Variants in ZBTB20 observed in about 807,000 individuals in gnomAD.
ZBTB20 encodes zinc finger and BTB domain containing 20.
ZBTB20 carries 9 observed loss-of-function variants against 56.9 expected under a neutral mutation model. The observed-to-expected ratio is 0.16, with a 90% CI of 0.10 to 0.28. ZBTB20 has a LOEUF of 0.28. Ranked by LOEUF, ZBTB20 falls within the 10% of genes least tolerant of loss-of-function variation. ZBTB20 has a pLI of 1.00. For missense variants in ZBTB20, 655 were observed against 1,003.0 expected (o/e 0.65, Z 4.69); for synonymous variants, 417 against 420.7 (o/e 0.99, Z 0.11).
intron 3 of ZBTB20, among the ~76,000 whole-genome samples, chr3:114,910,852 C>T (rs2107707500): frequency 6.6e-6 from 1 of 152,078 alleles, no homozygotes; most frequent in South Asian, 2.1e-4. Context: ...TGCTGTCTCC[C>T]TAACACTTCA....
intron 6 of ZBTB20, among the ~76,000 whole-genome samples, chr3:114,535,524 A>G (rs553138295): frequency 1.3e-5 from 2 of 152,356 alleles, no homozygotes; most frequent in East Asian, 3.9e-4. Context: ...AAAAAAGCCC[A>G]GGACCAGACG....
At chr3:114,407,157 T>A (rs2087418699) in intron 7 of ZBTB20, among the ~76,000 whole-genome samples, 1 of 152,188 alleles carries the variant, frequency 6.6e-6, no homozygotes, top group Non-Finnish European at 1.5e-5. Flanking sequence ...AAATCCTCTC[T>A]GCTAAATGTA....
At chr3:114,775,386 G>A (rs2069516012) in intron 5 of ZBTB20, among the ~76,000 whole-genome samples, 2 of 151,902 alleles carry the variant, frequency 1.3e-5, no homozygotes, top group South Asian at 4.2e-4. Context: ...TGAGGATGGT[G>A]GATATATTAA....
intron 4 of ZBTB20, among the ~76,000 whole-genome samples, chr3:114,853,842 ATG>A (rs775316910): frequency 5.9e-5 from 9 of 152,190 alleles, no homozygotes; most frequent in Non-Finnish European, 7.4e-5. Flanking sequence ...TAGCAAAGTT[ATG>A]TGTGAGTTGC....
rs1426738087 is a variant in ZBTB20 at position 114,321,603 on chromosome 3, A to G, written c.*17402T>C. On this transcript the variant is annotated 3_prime_UTR_variant, in exon 12 of 12. Coordinates refer to ENST00000675478, the MANE Select transcript of ZBTB20 (RefSeq NM_001348800.3). ...TGGTTCCATATGGAAACAAAAAATA[A>G]AGAGAAAGAACTGGTAAGAGTTGAG... is the stretch of plus-strand genomic sequence containing the variant. The G allele has an allele frequency of 6.6e-6, 1 of 152,230 alleles. No individual in the cohort carries two copies. Among genetic ancestry groups the G allele is most frequent in the Non-Finnish European group, 1.5e-5 (1 of 68,032 alleles). The allele number at this position is 152,230 out of a possible 1,614,324, so 9.4% of individuals were successfully genotyped here. A position where few individuals can be genotyped will look rare whatever the true frequency, so the allele number is the denominator to read the frequency against.
intron 2 of ZBTB20, among the ~76,000 whole-genome samples, chr3:114,983,318 C>G (rs958829460): frequency 3.9e-5 from 6 of 152,094 alleles, no homozygotes; most frequent in Non-Finnish European, 7.4e-5. Flanking sequence ...GTATTCGTCT[C>G]TACTCTGTCA....
intron 1 of ZBTB20, among the ~76,000 whole-genome samples, chr3:115,133,506 C>T (rs535126271): frequency 6.6e-6 from 1 of 152,262 alleles, no homozygotes; most frequent in South Asian, 2.1e-4. Context: ...CAAAAGGAAA[C>T]CCTATACCCA....
intron 6 of ZBTB20, among the ~76,000 whole-genome samples, chr3:114,587,595 T>C (rs908974328): frequency 1.3e-5 from 2 of 152,264 alleles, no homozygotes; most frequent in African/African-American, 4.8e-5. Context: ...GGCATATGCA[T>C]GCTCAATATT....
Position 114,908,086 on chromosome 3 carries a change from GGAAA to G in ZBTB20, c.-455-7748_-455-7745del, listed in dbSNP as rs1356651860. On this transcript the variant is annotated intron_variant, in intron 3 of 11. Transcript: ENST00000675478. Reference sequence around the variant, plus strand: ...GCCTTGGAGAAAAGGCAAAGGAATAGGAAAGAGTTTCCTTTAAAATGCCAGGCTA... The same window carrying G: ...GCCTTGGAGAAAAGGCAAAGGAATAGGAGTTTCCTTTAAAATGCCAGGCTA... Among the ~76,000 whole-genome samples, 5 of 151,954 alleles carry G rather than the reference GGAAA, an allele frequency of 3.3e-5. No individual in the cohort carries two copies. In the East Asian group the frequency reaches 9.7e-4, roughly 29 times the overall value.
chr3:114,370,671 T>C (rs1206376137), intron 10 of ZBTB20, among the ~76,000 whole-genome samples: 1 of 152,198 alleles, frequency 6.6e-6, no homozygotes, highest in Non-Finnish European at 1.5e-5. Flanking sequence ...TTTACTCCCA[T>C]ATTTATGGCT....
At chr3:114,537,337 A>T (rs1000614488) in intron 6 of ZBTB20, among the ~76,000 whole-genome samples, 2 of 152,244 alleles carry the variant, frequency 1.3e-5, no homozygotes, top group Non-Finnish European at 2.9e-5. Flanking sequence ...ATAAGAGCAG[A>T]CACTTCTCAA....
At chr3:115,146,879 G>C (rs984556920) in intron 1 of ZBTB20, among the ~76,000 whole-genome samples, 1 of 151,196 alleles carries the variant, frequency 6.6e-6, no homozygotes, top group Non-Finnish European at 1.5e-5. Context: ...GCTGCGGGAC[G>C]TCCCGCCCGC....
intron 4 of ZBTB20, among the ~76,000 whole-genome samples, chr3:114,812,753 G>A (rs879544326): frequency 1.3e-5 from 2 of 152,234 alleles, no homozygotes; most frequent in East Asian, 3.9e-4. Flanking sequence ...AGAGGGCGGT[G>A]CTCCTAGGGG....
chr3:114,910,974 T>G (rs2075512597), intron 3 of ZBTB20, among the ~76,000 whole-genome samples: 1 of 152,100 alleles, frequency 6.6e-6, no homozygotes, highest in Non-Finnish European at 1.5e-5. Context: ...CTTCATGTCT[T>G]TCACAAAATT....
At position 114,501,696 on chromosome 3, in the gene ZBTB20, G is replaced by GT. The variant is rs1367161764; in HGVS notation, c.-294-1306dup. On this transcript the variant is annotated intron_variant, in intron 6 of 11. Transcript: ENST00000675478. The stretch of plus-strand genomic sequence containing the variant: ...ACTGGTCTGCCCATCATTGTGCTTT[G>GT]TTTTTTTTTCTTTCTTTTTTTTTTT... Among the ~76,000 whole-genome samples, 711 of 134,356 alleles carry GT rather than the reference G, an allele frequency of 5.3e-3. 1 individual carries two copies. Among genetic ancestry groups the GT allele is most frequent in the Non-Finnish European group, 9.8e-3 (610 of 62,186 alleles). 88.1% of individuals were successfully genotyped at this position (134,356 alleles called of 152,430 possible).
At chr3:114,649,035 A>G (rs2059993172) in intron 6 of ZBTB20, among the ~76,000 whole-genome samples, 2 of 152,172 alleles carry the variant, frequency 1.3e-5, no homozygotes, top group South Asian at 4.1e-4. Flanking sequence ...AATTTAATCT[A>G]TGTCCACCCA....
At chr3:114,860,535 A>G (rs1019388299) in intron 4 of ZBTB20, among the ~76,000 whole-genome samples, 4 of 152,204 alleles carry the variant, frequency 2.6e-5, no homozygotes, top group Non-Finnish European at 5.9e-5. Flanking sequence ...ATAACATTAG[A>G]GATTACGTCA....
chr3:114,743,972 A>C (rs956848837), intron 5 of ZBTB20, among the ~76,000 whole-genome samples: 1 of 152,090 alleles, frequency 6.6e-6, no homozygotes, highest in African/African-American at 2.4e-5. Flanking sequence ...GAGGTTATGC[A>C]ATTAGCTTGG....
intron 7 of ZBTB20, among the ~76,000 whole-genome samples, chr3:114,477,294 T>C (rs902694788): frequency 6.6e-6 from 1 of 152,174 alleles, no homozygotes; most frequent in Admixed American, 6.5e-5. Flanking sequence ...GATATTGGCC[T>C]TACTGGGCTA....
Sources: gnomAD v4.1 joint callset for allele counts (sites outside exome capture counted in the v4.1 genomes callset) on GRCh38, gnomAD v4.1.1 for gene constraint, MANE v1.5 for transcripts, NCBI Gene and HGNC (gene_info 2026-07-23, HGNC 2026-07-21) for gene names.